The following MGAT5 variants were observed in gnomAD, a reference collection of about 807,000 sequenced individuals.
MGAT5 encodes alpha-1,6-mannosylglycoprotein 6-beta-N-acetylglucosaminyltransferase, also known as alpha-1,6-mannosylglycoprotein 6-beta-N-acetylglucosaminyltransferase A.
MGAT5 carries 30 observed loss-of-function variants against 94.3 expected under a neutral mutation model. The observed-to-expected ratio is 0.32, with a 90% confidence interval of 0.24 to 0.43. The LOEUF (loss-of-function observed/expected upper bound fraction) is 0.43. Among genes scored for constraint, MGAT5 ranks in the 20% least tolerant of loss-of-function variants. MGAT5 has a pLI of 1.00. For synonymous variants in MGAT5, 310 were observed against 322.9 expected, an observed-to-expected ratio of 0.96 and a Z score of 0.43; for missense variants, 691 against 905.5, an observed-to-expected ratio of 0.76 and a Z score of 3.04.
intron 10 of MGAT5, among the ~76,000 whole-genome samples, chr2:134,386,078 C>T (rs993084932): frequency 8.5e-5 from 13 of 152,068 alleles, no homozygotes; most frequent in African/African-American, 3.1e-4. Context: ...GACAAATTCT[C>T]AAAAAGGTGT....
intron 4 of MGAT5, chr2:134,319,900 G>A: frequency 4.0e-6 from 1 of 251,690 alleles, no homozygotes; most frequent in Non-Finnish European, 8.0e-6. Context: ...ACATGTGAGA[G>A]CTCTTATCTT....
intron 2 of MGAT5, among the ~76,000 whole-genome samples, chr2:134,296,332 G>T (rs1290603548): frequency 6.6e-6 from 1 of 152,164 alleles, no homozygotes. Flanking sequence ...AAGAAATGCC[G>T]AATATTAAAT....
At chr2:134,435,057 T>TGCTGTTGCGGCAGCTTCCTGTCTC (rs1284237960) in intron 14 of MGAT5, among the ~76,000 whole-genome samples, 2 of 151,968 alleles carry the variant, frequency 1.3e-5, no homozygotes, top group African/African-American at 4.8e-5. Flanking sequence ...CTCTCTCCTG[T>TGCTGTTGCGGCAGCTTCCTGTCTC]GCTGTTGCGG....
At chr2:134,301,789 G>T (rs1296172036) in intron 2 of MGAT5, among the ~76,000 whole-genome samples, 1 of 152,164 alleles carries the variant, frequency 6.6e-6, no homozygotes, top group East Asian at 1.9e-4. Flanking sequence ...ACATGAGTAT[G>T]AGCTGGAGCT....
At chr2:134,331,671 A>G (rs1687983753) in intron 4 of MGAT5, among the ~76,000 whole-genome samples, 1 of 152,000 alleles carries the variant, frequency 6.6e-6, no homozygotes, top group Non-Finnish European at 1.5e-5. Context: ...ACTGAGGGGA[A>G]ATATAAAATC....
At chr2:134,289,150 C>T (rs1005548434) in intron 2 of MGAT5, among the ~76,000 whole-genome samples, 2 of 152,158 alleles carry the variant, frequency 1.3e-5, no homozygotes, top group Admixed American at 1.3e-4. Flanking sequence ...TCCTCAAGGT[C>T]TCTGCTTGCC....
rs76090129 is a variant in MGAT5 at position 134,415,165 on chromosome 2, A to G, written c.1677+2150A>G. On this transcript the variant is annotated intron_variant, in intron 12 of 15. Coordinates refer to ENST00000281923, the MANE Select transcript of MGAT5 (RefSeq NM_002410.5). ...GGATTGCTGGATTATGTGGAGTTCT[A>G]TTTCTTATTTTTTGAGAAACCTCCA... Among the ~76,000 whole-genome samples, 1,453 of 152,176 alleles carry G rather than the reference A, an allele frequency of 9.5e-3. 17 individuals carry two copies. The highest frequency in any genetic ancestry group is 0.033 in the African/African-American group (1,365 of 41,520).
intron 2 of MGAT5, among the ~76,000 whole-genome samples, chr2:134,281,249 A>G (rs185110189): frequency 2.3e-4 from 35 of 152,282 alleles, no homozygotes; most frequent in Non-Finnish European, 2.8e-4. Context: ...GCCCTCTGTG[A>G]TTAATACCGT....
intron 4 of MGAT5, among the ~76,000 whole-genome samples, chr2:134,326,683 G>A (rs1372046438): frequency 1.3e-5 from 2 of 152,092 alleles, no homozygotes; most frequent in Non-Finnish European, 2.9e-5. Context: ...TGTAAGGAGA[G>A]ATAGCTAGCA....
intron 9 of MGAT5, among the ~76,000 whole-genome samples, chr2:134,353,371 T>C (rs950533551): frequency 8.5e-5 from 13 of 152,182 alleles, no homozygotes; most frequent in African/African-American, 3.1e-4. Flanking sequence ...GAAATATTTA[T>C]ATTGTTACTT....
At chr2:134,307,544 T>G (rs1366448171) in intron 2 of MGAT5, among the ~76,000 whole-genome samples, 1 of 152,144 alleles carries the variant, frequency 6.6e-6, no homozygotes, top group Non-Finnish European at 1.5e-5. Context: ...CCTGCTGTGA[T>G]AACAGTGATA....
chr2:134,121,248 G>T (rs994655855), intron 1 of MGAT5, among the ~76,000 whole-genome samples: 1 of 152,228 alleles, frequency 6.6e-6, no homozygotes, highest in African/African-American at 2.4e-5. Flanking sequence ...TCCCCGTGGC[G>T]GGGTGGCCAG....
At chr2:134,416,929 A>T (rs1450482664) in intron 12 of MGAT5, among the ~76,000 whole-genome samples, 1 of 151,734 alleles carries the variant, frequency 6.6e-6, no homozygotes, top group Non-Finnish European at 1.5e-5. Context: ...TTATGAAAAA[A>T]ATATATATAT....
chr2:134,307,019 A>G lies in MGAT5; in HGVS notation c.407-10510A>G, dbSNP rs142246841. On this transcript the variant is annotated intron_variant, in intron 2 of 15. Coordinates refer to ENST00000281923, the MANE Select transcript of MGAT5 (RefSeq NM_002410.5). ...GCATCTTGCATGGTGGCCAGATAGT[A>G]TCTTACGAGAGGGTTGATCTACTGT... 8.3e-4 allele frequency among the ~76,000 whole-genome samples: 127 copies of G among 152,248 alleles called. 1 individual carries two copies. Among genetic ancestry groups the G allele is most frequent in the African/African-American group, 2.9e-3 (119 of 41,548 alleles).
chr2:134,280,091 A>G (rs1414033487), intron 2 of MGAT5, among the ~76,000 whole-genome samples: 2 of 152,194 alleles, frequency 1.3e-5, no homozygotes, highest in African/African-American at 4.8e-5. Flanking sequence ...GCATATCCAC[A>G]GCTTCTAAAA....
chr2:134,254,641 T>C lies in MGAT5; in HGVS notation c.238T>C (p.Tyr80His). ...DGPYAGVMTA[Y>H]DLKKTLAVLL... ...GCCATACGCTGGAGTCATGACAGCT[T>C]ATGGTAAGCACTGTTTCTGGGACCT... The change falls in exon 1 of 16, where the codon TAT (tyrosine) becomes CAT (histidine). Residue 80 changes from tyrosine (Y) to histidine (H), a missense_variant. Tyr to His is a moderately conservative substitution (Grantham distance 83, BLOSUM62 2). Coordinates refer to ENST00000281923, the MANE Select transcript of MGAT5 (RefSeq NM_002410.5). 6.2e-7 allele frequency: 1 copy of C among 1,614,198 alleles called. No homozygotes were observed. The highest frequency in any genetic ancestry group is 8.5e-7 in the Non-Finnish European group (1 of 1,180,024).
intron 2 of MGAT5, among the ~76,000 whole-genome samples, chr2:134,282,807 TGAA>T (rs1684773620): frequency 6.6e-6 from 1 of 152,182 alleles, no homozygotes; most frequent in African/African-American, 2.4e-5. Flanking sequence ...AAAGCCTCTC[TGAA>T]GAAGAGAGAT....
chr2:134,314,862 C>T (rs1553444816), intron 2 of MGAT5, among the ~76,000 whole-genome samples: 1 of 152,118 alleles, frequency 6.6e-6, no homozygotes, highest in Non-Finnish European at 1.5e-5. Context: ...AGCATAGCAA[C>T]AGGGGGGTCT....
chr2:134,403,151 A>G lies in MGAT5; in HGVS notation c.1530+14A>G, dbSNP rs749281251. Reference sequence around the variant, plus strand: ...CGAGAAACCAAGGTAAAAATTCACCACGGATGTGGTGTTCAGGTTATTGCC... The same window carrying G: ...CGAGAAACCAAGGTAAAAATTCACCGCGGATGTGGTGTTCAGGTTATTGCC... On this transcript the variant is annotated intron_variant, in intron 11 of 15. Coordinates refer to ENST00000281923, the MANE Select transcript of MGAT5 (RefSeq NM_002410.5). 6 of 1,598,902 alleles carry G rather than the reference A, an allele frequency of 3.8e-6. No individual in the cohort carries two copies. The Admixed American group carries it at 9.2e-5, about 24-fold the overall frequency.
Sources: gnomAD v4.1 joint callset for allele counts (sites outside exome capture counted in the v4.1 genomes callset) on GRCh38, gnomAD v4.1.1 for gene constraint, MANE v1.5 for transcripts, NCBI Gene and HGNC (gene_info 2026-07-23, HGNC 2026-07-21) for gene names.